The following PAPOLA variants were observed in gnomAD, a reference collection of about 807,000 sequenced individuals.
PAPOLA encodes the protein poly(A) polymerase alpha.
Under a neutral mutation model 100.6 loss-of-function variants are expected in PAPOLA, and 15 were observed. That is an observed-to-expected ratio of 0.15 (90% confidence interval 0.10 to 0.23). The LOEUF (loss-of-function observed/expected upper bound fraction) is 0.23. Among genes scored for constraint, PAPOLA ranks in the 10% least tolerant of loss-of-function variants. PAPOLA has a pLI of 1.00. For synonymous variants in PAPOLA, 293 were observed against 300.0 expected, an observed-to-expected ratio of 0.98 and a Z score of 0.24; for missense variants, 533 against 884.2, an observed-to-expected ratio of 0.60 and a Z score of 5.04.
chr14:96,544,724 T>C (rs1424752069), intron 15 of PAPOLA, among the ~76,000 whole-genome samples: 3 of 152,060 alleles, frequency 2.0e-5, no homozygotes, highest in African/African-American at 7.2e-5. Flanking sequence ...TCTTGAGAAA[T>C]GGGAAACAAC....
At chr14:96,508,254 T>A (rs954345775) in intron 1 of PAPOLA, among the ~76,000 whole-genome samples, 1 of 152,170 alleles carries the variant, frequency 6.6e-6, no homozygotes, top group Non-Finnish European at 1.5e-5. Flanking sequence ...TTAAATAAAA[T>A]TTTTTTGTTG....
At chr14:96,557,774 A>G (rs1595558947) in intron 19 of PAPOLA, among the ~76,000 whole-genome samples, 1 of 146,506 alleles carries the variant, frequency 6.8e-6, no homozygotes, top group Non-Finnish European at 1.5e-5. Context: ...AATAGCTGCT[A>G]TTAACTAAAA....
intron 9 of PAPOLA, chr14:96,533,843 G>T: frequency 2.0e-6 from 2 of 982,646 alleles, no homozygotes; most frequent in South Asian, 4.7e-5. Flanking sequence ...GTGAGCCACC[G>T]CGTCCGGCTG....
chr14:96,534,074 C>G (rs1899308646), intron 9 of PAPOLA: 1 of 990,826 alleles, frequency 1.0e-6, no homozygotes, highest in Non-Finnish European at 1.2e-6. Flanking sequence ...ATTATTCATA[C>G]CCCTTTGCCT....
At chr14:96,503,804 C>A (rs774974575) in intron 1 of PAPOLA, among the ~76,000 whole-genome samples, 2 of 151,928 alleles carry the variant, frequency 1.3e-5, no homozygotes, top group Non-Finnish European at 2.9e-5. Flanking sequence ...TGTAGTTTTA[C>A]AATTATATAT....
chr14:96,528,378 A>G (rs1049745114), intron 6 of PAPOLA, among the ~76,000 whole-genome samples: 2 of 152,208 alleles, frequency 1.3e-5, no homozygotes, highest in African/African-American at 4.8e-5. Context: ...AAATTGGGAG[A>G]AAAGTGTGAG....
chr14:96,511,810 G>A (rs1298728784), intron 1 of PAPOLA, among the ~76,000 whole-genome samples: 1 of 152,194 alleles, frequency 6.6e-6, no homozygotes, highest in Non-Finnish European at 1.5e-5. Context: ...GGAAAATTGA[G>A]TTGATGTTTA....
At chr14:96,539,643 T>A (rs1899818203) in intron 12 of PAPOLA, among the ~76,000 whole-genome samples, 1 of 152,130 alleles carries the variant, frequency 6.6e-6, no homozygotes, top group African/African-American at 2.4e-5. Context: ...GACTTCAAAG[T>A]CTCGCATGGA....
chr14:96,534,368 G>A, intron 9 of PAPOLA, 123 bp from the exon 10 acceptor site: 7 of 1,494,878 alleles, frequency 4.7e-6, no homozygotes, highest in Middle Eastern at 1.8e-4. Context: ...GGATTAAAAC[G>A]TTGTATGTAC....
chr14:96,526,725 C>G lies in PAPOLA; in HGVS notation c.332-705C>G, dbSNP rs1360750493. The G allele has an allele frequency of 2.0e-4, 31 of 152,530 alleles. 1 individual carries two copies. Among genetic ancestry groups the G allele is most frequent in the Non-Finnish European group, 4.5e-4 (31 of 68,240 alleles). 9.4% of individuals were successfully genotyped at this position (152,530 alleles called of 1,614,324 possible). ...TTTCCTCTCTCCATCTCCCATCACT[C>G]TGTCCCATTAGTACATTACTTTTGA... On this transcript the variant is annotated intron_variant, in intron 4 of 21. Coordinates refer to ENST00000216277, the MANE Select transcript of PAPOLA (RefSeq NM_032632.5).
intron 4 of PAPOLA, among the ~76,000 whole-genome samples, chr14:96,525,606 C>T (rs1898395289): frequency 1.3e-5 from 2 of 152,054 alleles, no homozygotes; most frequent in South Asian, 4.1e-4. Flanking sequence ...ATGAAATTAG[C>T]TTAGTGTGGT....
At chr14:96,544,961 T>A (rs1900270027) in intron 15 of PAPOLA, among the ~76,000 whole-genome samples, 1 of 152,038 alleles carries the variant, frequency 6.6e-6, no homozygotes, top group Non-Finnish European at 1.5e-5. Flanking sequence ...AAATGGTGGA[T>A]GTAGTTGAGA....
chr14:96,502,563 A>C lies in PAPOLA; in HGVS notation c.-30A>C. On this transcript the variant is annotated 5_prime_UTR_variant, in exon 1 of 22. Transcript: ENST00000216277. The stretch of plus-strand genomic sequence containing the variant: ...GCAGCGGCGGCGGTTGCGGGGGGGA[A>C]GTGACTGGGCGGTGCCGGCGCCGGA... The C allele has an allele frequency of 6.5e-7, 1 of 1,538,556 alleles. No homozygotes were observed. The highest frequency in any genetic ancestry group is 8.8e-7 in the Non-Finnish European group (1 of 1,138,834).
At chr14:96,543,160 T>G (rs1276489779) in intron 14 of PAPOLA, among the ~76,000 whole-genome samples, 1 of 152,210 alleles carries the variant, frequency 6.6e-6, no homozygotes, top group Non-Finnish European at 1.5e-5. Context: ...TCTACAGTTC[T>G]GCTTTAATAC....
chr14:96,560,602 T>A, intron 19 of PAPOLA, 47 bp from the exon 20 acceptor site: 1 of 1,258,746 alleles, frequency 7.9e-7, no homozygotes, highest in Non-Finnish European at 1.2e-6. Context: ...TGGCAAATAA[T>A]CTAAATTTTT....
At chr14:96,524,047 T>G (rs1426381184) in intron 3 of PAPOLA, among the ~76,000 whole-genome samples, 1 of 152,190 alleles carries the variant, frequency 6.6e-6, no homozygotes, top group East Asian at 1.9e-4. Flanking sequence ...GTTTAGAACT[T>G]GGCTTTAGGG....
At chr14:96,563,892 C>T (rs1437490524) in intron 21 of PAPOLA, among the ~76,000 whole-genome samples, 1 of 152,046 alleles carries the variant, frequency 6.6e-6, no homozygotes, top group Non-Finnish European at 1.5e-5. Context: ...TGGTTTGCCA[C>T]ATACTCTCGG....
At chr14:96,537,274 CCTG>C (rs1595534897) in intron 12 of PAPOLA, 1 of 533,888 alleles carries the variant, frequency 1.9e-6, no homozygotes, top group South Asian at 2.4e-5. Flanking sequence ...TAACTGAACT[CCTG>C]CTACATTTGT....
chr14:96,549,288 G>A (rs1465684699), intron 16 of PAPOLA, among the ~76,000 whole-genome samples: 2 of 136,418 alleles, frequency 1.5e-5, no homozygotes, highest in African/African-American at 5.5e-5. Flanking sequence ...TCACTCTGTT[G>A]CCCAGGCTGG....
Sources: gnomAD v4.1 joint callset for allele counts (sites outside exome capture counted in the v4.1 genomes callset) on GRCh38, gnomAD v4.1.1 for gene constraint, MANE v1.5 for transcripts, NCBI Gene and HGNC (gene_info 2026-07-23, HGNC 2026-07-21) for gene names.